Variants in PTPRD observed in about 807,000 individuals in gnomAD.
PTPRD encodes the protein protein tyrosine phosphatase receptor type D.
Under a neutral mutation model 214.5 loss-of-function variants are expected in PTPRD, and 34 were observed. That is an observed-to-expected ratio of 0.16 (90% CI 0.12 to 0.21). PTPRD has a LOEUF of 0.21. Among genes scored for constraint, PTPRD ranks in the 10% least tolerant of loss-of-function variants. The pLI, the probability that PTPRD is intolerant of heterozygous loss-of-function variation, is 1.00. For synonymous variants in PTPRD, 1,128 were observed against 845.7 expected, an observed-to-expected ratio of 1.33 and a Z score of -5.79; for missense variants, 2,545 against 2,398.7, an observed-to-expected ratio of 1.06 and a Z score of -1.27.
chr9:10,280,299 AAC>A (rs2095024658), intron 3 of PTPRD, among the ~76,000 whole-genome samples: 1 of 151,962 alleles, frequency 6.6e-6, no homozygotes, highest in Non-Finnish European at 1.5e-5. Context: ...GATTCTCAGA[AAC>A]ACAGTTGACA....
At chr9:9,366,583 C>A (rs750736793) in intron 9 of PTPRD, among the ~76,000 whole-genome samples, 2 of 151,430 alleles carry the variant, frequency 1.3e-5, no homozygotes, top group Non-Finnish European at 3.0e-5. Context: ...TCTGTTTAAT[C>A]AGACAGAAAT....
chr9:9,339,630 T>A (rs1190454370), intron 9 of PTPRD, among the ~76,000 whole-genome samples: 1 of 152,214 alleles, frequency 6.6e-6, no homozygotes, highest in Non-Finnish European at 1.5e-5. Flanking sequence ...CATTGACAGG[T>A]TAGCAATTTT....
intron 12 of PTPRD, among the ~76,000 whole-genome samples, chr9:8,687,581 T>C (rs2097707575): frequency 1.3e-5 from 2 of 152,116 alleles, no homozygotes; most frequent in African/African-American, 4.8e-5. Flanking sequence ...CGGATGGAAG[T>C]GTGGGCTCTG....
At chr9:9,381,114 G>T (rs1009646875) in intron 9 of PTPRD, among the ~76,000 whole-genome samples, 1 of 151,888 alleles carries the variant, frequency 6.6e-6, no homozygotes, top group Admixed American at 6.6e-5. Context: ...ACATATAGTT[G>T]GGTCTTATAT....
chr9:9,248,256 C>T (rs1290236823), intron 9 of PTPRD, among the ~76,000 whole-genome samples: 1 of 151,840 alleles, frequency 6.6e-6, no homozygotes, highest in Admixed American at 6.6e-5. Flanking sequence ...CAATACTTGG[C>T]TAATTTTTGT....
chr9:9,025,867 C>A (rs1233139001), intron 10 of PTPRD, among the ~76,000 whole-genome samples: 1 of 151,802 alleles, frequency 6.6e-6, no homozygotes, highest in Non-Finnish European at 1.5e-5. Flanking sequence ...TAATATTTAC[C>A]TCATCATTTA....
At chr9:8,661,753 C>A (rs569108498) in intron 12 of PTPRD, among the ~76,000 whole-genome samples, 1 of 151,474 alleles carries the variant, frequency 6.6e-6, no homozygotes, top group Admixed American at 6.6e-5. Context: ...TTTTATTTCT[C>A]CAACCATTGA....
intron 3 of PTPRD, among the ~76,000 whole-genome samples, chr9:10,085,844 C>T (rs966203471): frequency 2.6e-5 from 4 of 151,824 alleles, no homozygotes; most frequent in African/African-American, 9.7e-5. Context: ...TCACCTGTAA[C>T]GTTGGTAAAT....
chr9:9,848,319 A>G lies in PTPRD; in HGVS notation c.-367-81468T>C, dbSNP rs78572059. On this transcript the variant is annotated intron_variant, in intron 5 of 45. Coordinates refer to ENST00000381196, the MANE Select transcript of PTPRD (RefSeq NM_002839.4). ...ATATCTTAGCTTGGGGGTTGTAAAT[A>G]AAGAAACATGGCCACTAGACCATAT... Among the ~76,000 whole-genome samples the G allele has an allele frequency of 5.3e-3, 802 of 152,282 alleles. 8 individuals carry two copies. Among genetic ancestry groups the G allele is most frequent in the African/African-American group, 0.018 (754 of 41,566 alleles).
At chr9:8,783,380 T>C (rs1444334149) in intron 11 of PTPRD, among the ~76,000 whole-genome samples, 1 of 152,250 alleles carries the variant, frequency 6.6e-6, no homozygotes, top group African/African-American at 2.4e-5. Flanking sequence ...CCTACTCAAA[T>C]TCAACTGAAA....
chr9:9,767,583 G>A (rs2098717171), intron 5 of PTPRD, among the ~76,000 whole-genome samples: 1 of 151,894 alleles, frequency 6.6e-6, no homozygotes, highest in Admixed American at 6.6e-5. Context: ...AACTCACATT[G>A]CAAATGTGAT....
At chr9:10,018,478 A>C (rs2096770845) in intron 4 of PTPRD, among the ~76,000 whole-genome samples, 1 of 150,272 alleles carries the variant, frequency 6.7e-6, no homozygotes, top group Admixed American at 6.6e-5. Flanking sequence ...AGCTTTTAAA[A>C]ATATTTGTTC....
intron 10 of PTPRD, among the ~76,000 whole-genome samples, chr9:9,087,346 A>C: frequency 6.6e-6 from 1 of 152,312 alleles, no homozygotes; most frequent in East Asian, 1.9e-4. Flanking sequence ...TAATAAAATT[A>C]TAATTATACC....
At chr9:9,886,236 T>G (rs910879428) in intron 5 of PTPRD, among the ~76,000 whole-genome samples, 32 of 152,218 alleles carry the variant, frequency 2.1e-4, no homozygotes, top group Middle Eastern at 3.4e-3. Context: ...ATATCAGAAT[T>G]GCTATATGCC....
chr9:9,015,816 C>T lies in PTPRD; in HGVS notation c.-104+2881G>A, dbSNP rs920435015. Reference sequence around the variant, plus strand: ...ATGTACATTTGGATATAATAATTACCATCTTCCCTGACTTCAGCAAGTATA... The same window carrying T: ...ATGTACATTTGGATATAATAATTACTATCTTCCCTGACTTCAGCAAGTATA... On this transcript the variant is annotated intron_variant, in intron 11 of 45. Coordinates refer to ENST00000381196, the MANE Select transcript of PTPRD (RefSeq NM_002839.4). Among the ~76,000 whole-genome samples, 4 of 152,056 alleles carry T rather than the reference C, an allele frequency of 2.6e-5. No homozygotes were observed. In the East Asian group the frequency reaches 7.7e-4, roughly 29 times the overall value.
intron 3 of PTPRD, among the ~76,000 whole-genome samples, chr9:10,238,484 GCCTGTGT>G (rs1361296689): frequency 6.6e-6 from 1 of 151,782 alleles, no homozygotes; most frequent in Non-Finnish European, 1.5e-5. Context: ...AGATCATCCA[GCCTGTGT>G]ATACGCTCCA....
intron 11 of PTPRD, among the ~76,000 whole-genome samples, chr9:9,011,019 G>T (rs1216307444): frequency 6.6e-6 from 1 of 152,148 alleles, no homozygotes; most frequent in East Asian, 1.9e-4. Flanking sequence ...GGATTCATAT[G>T]TAGCATGCTC....
At chr9:9,939,132 G>C (rs1417474260) in intron 4 of PTPRD, among the ~76,000 whole-genome samples, 1 of 151,848 alleles carries the variant, frequency 6.6e-6, no homozygotes, top group African/African-American at 2.4e-5. Flanking sequence ...CACTGATAAA[G>C]AACACTGATG....
chr9:9,214,483 A>ATT (rs57017587), intron 9 of PTPRD, among the ~76,000 whole-genome samples: 41 of 144,856 alleles, frequency 2.8e-4, no homozygotes, highest in East Asian at 8.3e-4. Flanking sequence ...AGGGAGGAGG[A>ATT]TTTTTTTTTT....
Sources: gnomAD v4.1 joint callset for allele counts (sites outside exome capture counted in the v4.1 genomes callset) on GRCh38, gnomAD v4.1.1 for gene constraint, MANE v1.5 for transcripts, NCBI Gene and HGNC (gene_info 2026-07-23, HGNC 2026-07-21) for gene names.